DLK2: variants seen among roughly 807,000 people sequenced by gnomAD.
The protein encoded by DLK2 is protein delta homolog 2.
In DLK2, 9 loss-of-function variants were observed where a neutral mutation model predicts 31.3. The ratio of observed to expected loss-of-function variants is 0.29; its 90% CI spans 0.17 to 0.50. DLK2 has a LOEUF of 0.50. Ranked by LOEUF, DLK2 falls within the 20% of genes least tolerant of loss-of-function variation. DLK2 has a pLI of 0.98. For missense variants in DLK2, 387 were observed against 526.1 expected (o/e 0.74, Z 2.59); for synonymous variants, 169 against 201.2 (o/e 0.84, Z 1.35).
In DLK2 at chr6:43,450,773, G is replaced by A; in HGVS notation, c.918C>T (p.Ser306=). 6.2e-7 allele frequency: 1 copy of A among 1,614,216 alleles called. No individual in the cohort carries two copies. Residue 306 remains serine (S), a synonymous_variant, in exon 6 of 6, where the codon AGC becomes AGT. Coordinates refer to ENST00000372488, the MANE Select transcript of DLK2 (RefSeq NM_023932.4). This position sits in a 1 kb window ranked among gnomAD's most constrained non-coding sequence, Gnocchi z 4.5. The part of the protein sequence containing the change: ...RRQEAGLGEP[S]LVALVVFGAL... ...CCCCAAACACCACCAGGGCCACCAA[G>A]CTAGGCTCACCTAGCCCAGCCTCTT...
rs144772479 is a variant in DLK2 at position 43,452,018 on chromosome 6, C to T, written c.338G>A (p.Gly113Asp). 1 of 1,614,120 alleles carries T rather than the reference C, an allele frequency of 6.2e-7. No homozygotes were observed. The highest frequency in any genetic ancestry group is 1.3e-5 in the African/African-American group (1 of 74,944). The change falls in exon 5 of 6, where the codon GGT (glycine) becomes GAT (aspartate). Residue 113 changes from glycine (G) to aspartate (D), a missense_variant. Transcript: ENST00000372488. ...TGGTAAGCACACACAATGGTACTCA[C>T]CGCCCCCGTCATACATGCACTGGCC... ...NGGQCMYDGG[G>D]EYHCVCLPGF...
chr6:43,452,310 G>A (rs2127421770), intron 4 of DLK2, among the ~76,000 whole-genome samples: 1 of 152,380 alleles, frequency 6.6e-6, no homozygotes, highest in African/African-American at 2.4e-5. Flanking sequence ...GCTGGGTACT[G>A]TGGCTCATGC....
At chr6:43,452,607 G>T (rs1783813763) in intron 4 of DLK2, among the ~76,000 whole-genome samples, 1 of 152,176 alleles carries the variant, frequency 6.6e-6, no homozygotes, top group Non-Finnish European at 1.5e-5. Flanking sequence ...AGCTACTGGG[G>T]AGGCTGAGGC....
chr6:43,456,010 GCTC>G (rs1325388966), upstream of DLK2: 1 of 152,828 alleles, frequency 6.5e-6, no homozygotes, highest in Non-Finnish European at 1.5e-5. Flanking sequence ...GTGCTCCTCT[GCTC>G]CTCCTCGCCC....
At position 43,451,943 on chromosome 6, in the gene DLK2, G is replaced by A; in HGVS notation, c.413C>T (p.Ala138Val). The A allele has an allele frequency of 1.9e-6, 3 of 1,614,004 alleles. No homozygotes were observed. The highest frequency in any genetic ancestry group is 2.5e-6 in the Non-Finnish European group (3 of 1,180,004). The change falls in exon 5 of 6, where the codon GCA (alanine) becomes GTA (valine). Residue 138 changes from alanine to valine, a missense_variant. Transcript: ENST00000372488. The surrounding 1 kb of genome is among the most constrained non-coding windows in gnomAD (Gnocchi z 4.4). ...CERKAGPCEQ[A>V]GSPCRNGGQC... Reference sequence around the variant, plus strand: ...ACCCTGAGGGCCCAGCACTCACCCTGCCTGTTCACAGGGTCCAGCCTTGCG... The same window carrying A: ...ACCCTGAGGGCCCAGCACTCACCCTACCTGTTCACAGGGTCCAGCCTTGCG...
In DLK2 at chr6:43,451,118, G is replaced by C. The variant is rs377583675; in HGVS notation, c.573C>G (p.Asp191Glu). ...RPCANGATCLDGINRFSCLCP... is the reference protein window; with the variant it reads ...RPCANGATCLEGINRFSCLCP... ...AGAGGCAGGAGAAGCGGTTTATGCC[G>C]TCAAGGCAGGTGGCACCGTTAGCAC... is the stretch of plus-strand genomic sequence containing the variant. Residue 191 changes from aspartate (D) to glutamate (E), a missense_variant, in exon 6 of 6, where the codon GAC becomes GAG. By Grantham distance (45) the Asp-to-Glu change is conservative. Coordinates refer to ENST00000372488, the MANE Select transcript of DLK2 (RefSeq NM_023932.4). The surrounding 1 kb of genome is among the most constrained non-coding windows in gnomAD (Gnocchi z 4.4). The C allele has an allele frequency of 6.2e-7, 1 of 1,614,234 alleles. No individual in the cohort carries two copies. The highest frequency in any genetic ancestry group is 8.5e-7 in the Non-Finnish European group (1 of 1,180,034).
rs888511039 is a variant in DLK2 at position 43,451,967 on chromosome 6, C to T, written c.389G>A (p.Arg130His). ...TGCCTGTTCACAGGGTCCAGCCTTG[C>T]GCTCGCAGTCACGCCCATGGAAGCC... The part of the protein sequence containing the change: ...LPGFHGRDCE[R>H]KAGPCEQAGS... Residue 130 changes from arginine (R) to histidine (H), a missense_variant, in exon 5 of 6, where the codon CGC becomes CAC. By Grantham distance (29) the Arg-to-His change is conservative. Coordinates refer to ENST00000372488, the MANE Select transcript of DLK2 (RefSeq NM_023932.4). This position sits in a 1 kb window ranked among gnomAD's most constrained non-coding sequence, Gnocchi z 4.4. The T allele has an allele frequency of 9.3e-6, 15 of 1,614,006 alleles. No individual in the cohort carries two copies. The highest frequency in any genetic ancestry group is 6.7e-5 in the Admixed American group (4 of 60,004).
At chr6:43,455,075 G>C (rs1274640366) in intron 1 of DLK2, 195 bp from the exon 2 acceptor site, 1 of 985,052 alleles carries the variant, frequency 1.0e-6, no homozygotes, top group Non-Finnish European at 1.2e-6. Flanking sequence ...ACCCGGGAGC[G>C]GGGTCTGCAA....
chr6:43,455,638 A>ACCCCCCC (rs1783956338), upstream of DLK2: 1 of 27,816 alleles, frequency 3.6e-5, no homozygotes, highest in Non-Finnish European at 7.8e-5. Context: ...CCCCACCCCC[A>ACCCCCCC]TCCCCCCCCC....
Position 43,452,004 on chromosome 6 carries a change from C to T in DLK2, c.352G>A (p.Val118Met). The T allele has an allele frequency of 6.2e-7, 1 of 1,614,246 alleles. No individual in the cohort carries two copies. Among genetic ancestry groups the T allele is most frequent in the South Asian group, 1.1e-5 (1 of 91,086 alleles). ...MYDGGGEYHC[V>M]CLPGFHGRDC... ...CGCCCATGGAAGCCTGGTAAGCACACACAATGGTACTCACCGCCCCCGTCA... is the reference window on the plus strand; with the variant it reads ...CGCCCATGGAAGCCTGGTAAGCACATACAATGGTACTCACCGCCCCCGTCA... Residue 118 changes from valine to methionine, a missense_variant, in exon 5 of 6, where the codon GTG (valine) becomes ATG (methionine). Physicochemically the swap from Val to Met is conservative, Grantham distance 21. Transcript: ENST00000372488.
In DLK2 at chr6:43,452,941, A is replaced by G. The variant is rs1031355461; in HGVS notation, c.271+64T>C. On this transcript the variant is annotated intron_variant, in intron 4 of 5. Transcript: ENST00000372488. ...AGGACAAAATAGGCACTCAATAAAT[A>G]CTGATGGCTGTTCCCCTAAGAACAT... 48 of 1,602,796 alleles carry G rather than the reference A, an allele frequency of 3.0e-5. No homozygotes were observed. The Admixed American group carries it at 7.8e-4, about 26-fold the overall frequency.
rs1340141275 is a variant in DLK2 at position 43,453,551 on chromosome 6, G to A, written c.141-416C>T. ...CTCACGCCTGTAATCCCAGCACTTT[G>A]GGAGGTCGAGGCAGGTGGATCACTT... On this transcript the variant is annotated intron_variant, in intron 3 of 5. Coordinates refer to ENST00000372488, the MANE Select transcript of DLK2 (RefSeq NM_023932.4). The surrounding 1 kb of genome is among the most constrained non-coding windows in gnomAD (Gnocchi z 4.1). Among the ~76,000 whole-genome samples the A allele has an allele frequency of 1.3e-5, 2 of 152,232 alleles. No individual in the cohort carries two copies. Among genetic ancestry groups the A allele is most frequent in the African/African-American group, 4.8e-5 (2 of 41,464 alleles).
At position 43,450,485 on chromosome 6, in the gene DLK2, C is replaced by G; in HGVS notation, c.*54G>C. On this transcript the variant is annotated 3_prime_UTR_variant, in exon 6 of 6. Transcript: ENST00000372488. The surrounding 1 kb of genome is among the most constrained non-coding windows in gnomAD (Gnocchi z 4.5). ...TGAAGGGTGGTGAGAACGGACCACT[C>G]CAGTCTGAGGGGTGGAAGAGGTGAG... 1 of 1,513,192 alleles carries G rather than the reference C, an allele frequency of 6.6e-7. No homozygotes were observed. The highest frequency in any genetic ancestry group is 8.8e-7 in the Non-Finnish European group (1 of 1,132,368). The allele number at this position is 1,513,192 out of a possible 1,614,324, so 93.7% of individuals were successfully genotyped here.
chr6:43,450,846 G>A lies in DLK2; in HGVS notation c.845C>T (p.Ala282Val). Residue 282 changes from alanine (A) to valine (V), a missense_variant, in exon 6 of 6, where the codon GCA becomes GTA. Transcript: ENST00000372488. This position sits in a 1 kb window ranked among gnomAD's most constrained non-coding sequence, Gnocchi z 4.5. Reference sequence around the variant, plus strand: ...TGAGATCCGCAGCAGACCAGCCCCTGCGCTGTGGGGGGCTGGCCCCGTGGC... The same window carrying A: ...TGAGATCCGCAGCAGACCAGCCCCTACGCTGTGGGGGGCTGGCCCCGTGGC... ...VPATGPAPHS[A>V]GAGLLRISVK... is the part of the protein sequence containing the mutation. The A allele has an allele frequency of 6.2e-7, 1 of 1,614,188 alleles. No individual in the cohort carries two copies. Among genetic ancestry groups the A allele is most frequent in the Non-Finnish European group, 8.5e-7 (1 of 1,180,014 alleles).
In DLK2 at chr6:43,453,372, AC is replaced by A. The variant is rs1447366276; in HGVS notation, c.141-238del. On this transcript the variant is annotated intron_variant, in intron 3 of 5. Transcript: ENST00000372488. The surrounding 1 kb of genome is among the most constrained non-coding windows in gnomAD (Gnocchi z 4.1). ...CTTTAACCTGAGCCTCAGTTTTCTC[AC>A]CTGTAAATTGGGGATACACCTTGCA... Among the ~76,000 whole-genome samples the A allele has an allele frequency of 6.6e-6, 1 of 152,190 alleles. No homozygotes were observed. The highest frequency in any genetic ancestry group is 2.4e-5 in the African/African-American group (1 of 41,428).
At position 43,450,643 on chromosome 6, in the gene DLK2, C is replaced by T. The variant is rs1202378524; in HGVS notation, c.1048G>A (p.Ala350Thr). 4.3e-6 allele frequency: 7 copies of T among 1,613,636 alleles called. No homozygotes were observed. Among genetic ancestry groups the T allele is most frequent in the Non-Finnish European group, 5.9e-6 (7 of 1,179,804 alleles). Residue 350 changes from alanine (A) to threonine (T), a missense_variant, in exon 6 of 6, where the codon GCT (alanine) becomes ACT (threonine). Ala to Thr is a moderately conservative substitution (Grantham distance 58). Transcript: ENST00000372488. This position sits in a 1 kb window ranked among gnomAD's most constrained non-coding sequence, Gnocchi z 4.5. ...CACTCCTGGTCCTGGCACGCTGGAG[C>T]ATAGTGTGGGGCAGGGTAGCAACAG... ...GPCCYPAPHYAPACQDQECQV... is the reference protein window; with the variant it reads ...GPCCYPAPHYTPACQDQECQV...
At chr6:43,454,627 A>T in intron 2 of DLK2, 123 bp downstream of exon 2, 1 of 1,384,770 alleles carries the variant, frequency 7.2e-7, no homozygotes, top group Admixed American at 2.1e-5. Flanking sequence ...CAAAAAGGCA[A>T]CCTCGGTCTT....
In DLK2 at chr6:43,453,112, A is replaced by G. The variant is rs768586655; in HGVS notation, c.164T>C (p.Leu55Pro). ...SCRCDPGWEG[L>P]HCERCVRMPG... Reference sequence around the variant, plus strand: ...CATCCTCACACAGCGCTCACAGTGCAGCCCCTCCCAGCCCGGGTCACACCT... The same window carrying G: ...CATCCTCACACAGCGCTCACAGTGCGGCCCCTCCCAGCCCGGGTCACACCT... Residue 55 changes from leucine to proline, a missense_variant, in exon 4 of 6, where the codon CTG (leucine) becomes CCG (proline). Coordinates refer to ENST00000372488, the MANE Select transcript of DLK2 (RefSeq NM_023932.4). The surrounding 1 kb of genome is among the most constrained non-coding windows in gnomAD (Gnocchi z 4.1). 3.1e-6 allele frequency: 5 copies of G among 1,607,310 alleles called. No homozygotes were observed. In the South Asian group the frequency reaches 5.5e-5, roughly 18 times the overall value.
At position 43,450,497 on chromosome 6, in the gene DLK2, G is replaced by A. The variant is rs751285254; in HGVS notation, c.*42C>T. ...AGAACGGACCACTCCAGTCTGAGGG[G>A]TGGAAGAGGTGAGGAAGGGGGCCAG... is the stretch of plus-strand genomic sequence containing the variant. On this transcript the variant is annotated 3_prime_UTR_variant, in exon 6 of 6. Coordinates refer to ENST00000372488, the MANE Select transcript of DLK2 (RefSeq NM_023932.4). This position sits in a 1 kb window ranked among gnomAD's most constrained non-coding sequence, Gnocchi z 4.5. 6.6e-7 allele frequency: 1 copy of A among 1,521,592 alleles called. No homozygotes were observed. 94.3% of individuals were successfully genotyped at this position (1,521,592 alleles called of 1,614,324 possible). A position where few individuals can be genotyped will look rare whatever the true frequency, so the allele number is the denominator to read the frequency against.
Sources: allele counts gnomAD v4.1 joint callset (sites outside exome capture counted in the v4.1 genomes callset), GRCh38; gene constraint gnomAD v4.1.1; non-coding constraint Gnocchi (gnomAD v3.1); transcripts MANE v1.5; gene names NCBI Gene and HGNC (gene_info 2026-07-23, HGNC 2026-07-21).